Variants in CAMK1D observed in about 807,000 individuals in gnomAD.
CAMK1D encodes calcium/calmodulin dependent protein kinase ID.
In CAMK1D, 9 loss-of-function variants were observed where a neutral mutation model predicts 47.7. The ratio of observed to expected loss-of-function variants is 0.19; its 90% confidence interval spans 0.11 to 0.33. CAMK1D has a LOEUF of 0.33. Ranked by LOEUF, CAMK1D falls within the 10% of genes least tolerant of loss-of-function variation. The pLI is 1.00. For missense variants in CAMK1D, 291 were observed against 488.7 expected (o/e 0.60, Z 3.81); for synonymous variants, 184 against 184.9 (o/e 0.99, Z 0.04).
At chr10:12,408,478 C>G (rs755318754) in intron 1 of CAMK1D, among the ~76,000 whole-genome samples, 19 of 152,204 alleles carry the variant, frequency 1.2e-4, no homozygotes, top group Non-Finnish European at 2.4e-4. Context: ...TGGCCTGACT[C>G]TTTCATTTTC....
chr10:12,735,237 G>T (rs529781028), intron 3 of CAMK1D, among the ~76,000 whole-genome samples: 1 of 152,246 alleles, frequency 6.6e-6, no homozygotes, highest in Non-Finnish European at 1.5e-5. Flanking sequence ...AGCACTTTGG[G>T]AGGCCGAGGC....
chr10:12,633,867 C>G (rs1380476879), intron 2 of CAMK1D, among the ~76,000 whole-genome samples: 1 of 152,158 alleles, frequency 6.6e-6, no homozygotes, highest in Admixed American at 6.5e-5. Flanking sequence ...AGGAGTTACT[C>G]TTTTTAAAAG....
At chr10:12,493,427 G>A (rs1311911600) in intron 1 of CAMK1D, among the ~76,000 whole-genome samples, 1 of 152,094 alleles carries the variant, frequency 6.6e-6, no homozygotes, top group African/African-American at 2.4e-5. Context: ...AACGTCAGAT[G>A]GAAGCTGTGC....
intron 3 of CAMK1D, among the ~76,000 whole-genome samples, chr10:12,713,358 G>A (rs1834005818): frequency 6.6e-6 from 1 of 152,210 alleles, no homozygotes; most frequent in African/African-American, 2.4e-5. Flanking sequence ...CAGCTTTGAG[G>A]TTTCCATGAG....
intron 1 of CAMK1D, among the ~76,000 whole-genome samples, chr10:12,412,271 A>G (rs1839682057): frequency 6.6e-6 from 1 of 151,946 alleles, no homozygotes; most frequent in Non-Finnish European, 1.5e-5. Flanking sequence ...CGCTTCCCGT[A>G]GCCTGGCCCA....
At chr10:12,748,473 T>C (rs571766851) in intron 3 of CAMK1D, among the ~76,000 whole-genome samples, 13 of 152,164 alleles carry the variant, frequency 8.5e-5, no homozygotes, top group Non-Finnish European at 1.8e-4. Flanking sequence ...TTTAGAACCA[T>C]TGAAAAACTT....
intron 5 of CAMK1D, among the ~76,000 whole-genome samples, chr10:12,788,506 T>C (rs900888663): frequency 2.6e-5 from 4 of 152,242 alleles, no homozygotes; most frequent in Non-Finnish European, 5.9e-5. Flanking sequence ...GAGGGGAAGC[T>C]GGTCAGCCGT....
At chr10:12,752,434 T>C (rs1365322886) in intron 3 of CAMK1D, among the ~76,000 whole-genome samples, 1 of 152,180 alleles carries the variant, frequency 6.6e-6, no homozygotes, top group Non-Finnish European at 1.5e-5. Context: ...ATTATAGTCA[T>C]TGGAGACTCG....
intron 2 of CAMK1D, among the ~76,000 whole-genome samples, chr10:12,588,118 A>T (rs1003798716): frequency 2.6e-5 from 4 of 152,308 alleles, no homozygotes; most frequent in Admixed American, 6.5e-5. Flanking sequence ...TGGATGGCTC[A>T]GTAATTATGG....
At chr10:12,690,037 A>C (rs1832814443) in intron 3 of CAMK1D, among the ~76,000 whole-genome samples, 1 of 152,218 alleles carries the variant, frequency 6.6e-6, no homozygotes, top group Non-Finnish European at 1.5e-5. Context: ...TGGTGTTGAC[A>C]GTAGCACTGT....
chr10:12,704,290 A>C (rs940758907), intron 3 of CAMK1D, among the ~76,000 whole-genome samples: 1 of 152,202 alleles, frequency 6.6e-6, no homozygotes, highest in African/African-American at 2.4e-5. Context: ...AAATGTAGCT[A>C]ATTACAGTCA....
In CAMK1D at chr10:12,553,238, G is replaced by A. The variant is rs763942938; in HGVS notation, c.106G>A (p.Glu36Lys). ...CTTTGTTCACAGCGGGGCCTTTTCCGAAGTGGTTTTAGCTGAAGAGAAGGC... is the reference window on the plus strand; with the variant it reads ...CTTTGTTCACAGCGGGGCCTTTTCCAAAGTGGTTTTAGCTGAAGAGAAGGC... ...KETLGTGAFSEVVLAEEKATG... is the reference protein window; with the variant it reads ...KETLGTGAFSKVVLAEEKATG... Residue 36 changes from glutamate to lysine, a missense_variant, in exon 2 of 11, where the codon GAA becomes AAA. Physicochemically the swap from Glu to Lys is moderately conservative, Grantham distance 56. Transcript: ENST00000619168. The A allele has an allele frequency of 5.6e-6, 9 of 1,614,036 alleles. No homozygotes were observed. Among genetic ancestry groups the A allele is most frequent in the Admixed American group, 5.0e-5 (3 of 60,008 alleles).
chr10:12,512,775 C>T (rs892590732), intron 1 of CAMK1D, among the ~76,000 whole-genome samples: 2 of 152,036 alleles, frequency 1.3e-5, no homozygotes, highest in African/African-American at 2.4e-5. Context: ...AAAGCTGGTA[C>T]GAGTGTTTGC....
At chr10:12,352,638 CATA>C (rs1036030690) in intron 1 of CAMK1D, among the ~76,000 whole-genome samples, 32 of 151,224 alleles carry the variant, frequency 2.1e-4, no homozygotes, top group African/African-American at 7.3e-4. Flanking sequence ...AATGAGAAAA[CATA>C]ATGATGGCAA....
At chr10:12,426,858 G>A (rs1840250762) in intron 1 of CAMK1D, among the ~76,000 whole-genome samples, 1 of 152,172 alleles carries the variant, frequency 6.6e-6, no homozygotes, top group African/African-American at 2.4e-5. Flanking sequence ...GGGACCACAG[G>A]TGCATGCCAC....
At chr10:12,773,266 C>A (rs1837124225) in intron 5 of CAMK1D, among the ~76,000 whole-genome samples, 1 of 152,196 alleles carries the variant, frequency 6.6e-6, no homozygotes, top group South Asian at 2.1e-4. Flanking sequence ...TTATTGAGTT[C>A]CTGCTGTGTA....
At chr10:12,355,475 T>TGCGC (rs1057349411) in intron 1 of CAMK1D, among the ~76,000 whole-genome samples, 2 of 151,348 alleles carry the variant, frequency 1.3e-5, no homozygotes, top group Non-Finnish European at 2.9e-5. Flanking sequence ...TGTGTGTGTG[T>TGCGC]GCGCGCGCGT....
At chr10:12,469,082 A>G (rs1166964831) in intron 1 of CAMK1D, among the ~76,000 whole-genome samples, 1 of 152,008 alleles carries the variant, frequency 6.6e-6, no homozygotes, top group Non-Finnish European at 1.5e-5. Flanking sequence ...GGAGACCTGT[A>G]GCTCCCCGGA....
chr10:12,797,291 T>C (rs1838238220), intron 6 of CAMK1D, among the ~76,000 whole-genome samples: 1 of 151,480 alleles, frequency 6.6e-6, no homozygotes, highest in African/African-American at 2.4e-5. Flanking sequence ...CTTGACCTCC[T>C]GGGCTCAAGT....
Sources: allele counts gnomAD v4.1 joint callset (sites outside exome capture counted in the v4.1 genomes callset), GRCh38; gene constraint gnomAD v4.1.1; transcripts MANE v1.5; gene names NCBI Gene and HGNC (gene_info 2026-07-23, HGNC 2026-07-21).